Variants in RAI14 observed in about 807,000 individuals in gnomAD.
RAI14 encodes retinoic acid induced 14.
A neutral mutation model predicts 115.4 loss-of-function variants in RAI14; 45 were observed. The observed-to-expected ratio is 0.39, with a 90% CI of 0.31 to 0.50. RAI14 has a LOEUF of 0.50. Ranked by LOEUF, RAI14 falls within the 20% of genes least tolerant of loss-of-function variation. The pLI, the probability that RAI14 is intolerant of heterozygous loss-of-function variation, is 0.85. For synonymous variants in RAI14, 371 were observed against 415.4 expected (o/e 0.89, Z 1.30); for missense variants, 939 against 1,131.2 (o/e 0.83, Z 2.44).
chr5:34,750,525 G>A (rs1746839188), intron 2 of RAI14, among the ~76,000 whole-genome samples: 2 of 152,204 alleles, frequency 1.3e-5, no homozygotes, highest in South Asian at 2.1e-4. Flanking sequence ...GTTCGAAGGC[G>A]TTTGACCTGG....
chr5:34,696,917 G>A (rs1378370624), intron 2 of RAI14, among the ~76,000 whole-genome samples: 3 of 152,082 alleles, frequency 2.0e-5, no homozygotes, highest in African/African-American at 7.2e-5. Context: ...GATCACATGA[G>A]GTCAGGAGTT....
At position 34,757,304 on chromosome 5, in the gene RAI14, G is replaced by T; in HGVS notation, c.37-164G>T. ...TCTTTTGGGAAAGCGGCCTTCTTGG[G>T]TGTCTCCATGGTGAAGGGGAAGGTA... is the stretch of plus-strand genomic sequence containing the variant. On this transcript the variant is annotated intron_variant, in intron 2 of 17. Transcript: ENST00000265109. The T allele has an allele frequency of 3.9e-6, 3 of 778,834 alleles. No homozygotes were observed. The South Asian group carries it at 4.2e-5, about 11-fold the overall frequency. 48.2% of individuals were successfully genotyped at this position (778,834 alleles called of 1,614,324 possible).
Position 34,787,053 on chromosome 5 carries a change from G to A in RAI14, c.168-8886G>A, listed in dbSNP as rs114487013. Among the ~76,000 whole-genome samples, 358 of 152,336 alleles carry A rather than the reference G, an allele frequency of 2.4e-3. 1 individual carries two copies. The highest frequency in any genetic ancestry group is 8.2e-3 in the African/African-American group (340 of 41,574). ...ATGCTATTGTTTGTGGTTCAGGAAC[G>A]TCTTTAAGCGGTTTTCCGCCCTGGG... On this transcript the variant is annotated intron_variant, in intron 3 of 17. Transcript: ENST00000265109.
At chr5:34,763,221 G>A (rs74410402) in intron 3 of RAI14, among the ~76,000 whole-genome samples, 6,485 of 152,192 alleles carry the variant, frequency 0.043, 277 homozygotes, top group African/African-American at 0.11. Flanking sequence ...CAGCAGTTCA[G>A]TCTTGGAAAT....
intron 2 of RAI14, among the ~76,000 whole-genome samples, chr5:34,708,492 G>C (rs185394018): frequency 0.012 from 1,785 of 152,224 alleles, 11 homozygotes; most frequent in Non-Finnish European, 0.019. Flanking sequence ...GTGAGCCACC[G>C]CACCTGGCCA....
At chr5:34,816,353 A>G (rs1190172042) in intron 12 of RAI14, among the ~76,000 whole-genome samples, 1 of 152,180 alleles carries the variant, frequency 6.6e-6, no homozygotes, top group Non-Finnish European at 1.5e-5. Context: ...ATTAATTCCA[A>G]TCAAAGAGAC....
intron 7 of RAI14, among the ~76,000 whole-genome samples, chr5:34,810,174 C>T (rs1039271159): frequency 6.6e-6 from 1 of 152,154 alleles, no homozygotes; most frequent in South Asian, 2.1e-4. Flanking sequence ...ATTGTAACAT[C>T]TTTTCCCTTT....
chr5:34,683,938 A>G lies in RAI14; in HGVS notation c.-48-2934A>G, dbSNP rs542628482. 2.0e-4 allele frequency among the ~76,000 whole-genome samples: 31 copies of G among 152,310 alleles called. 1 individual carries two copies. The South Asian group carries it at 5.6e-3, about 27-fold the overall frequency. ...GAGACGGGGTTTCACCGTGTTAGCC[A>G]GGATGATCTCGATTTCCTGACCTTG... is the stretch of plus-strand genomic sequence containing the variant. On this transcript the variant is annotated intron_variant, in intron 1 of 17. Transcript: ENST00000265109.
rs1325449916 is a variant in RAI14 at position 34,830,867 on chromosome 5, G to A, written c.*102G>A. The A allele has an allele frequency of 4.5e-6, 7 of 1,542,992 alleles. No individual in the cohort carries two copies. The East Asian group carries it at 1.7e-4, about 37-fold the overall frequency. On this transcript the variant is annotated 3_prime_UTR_variant, in exon 18 of 18. Coordinates refer to ENST00000265109, the MANE Select transcript of RAI14 (RefSeq NM_015577.3). Reference sequence around the variant, plus strand: ...ATTGTTCTCATTCGTGGTATGCACTGTGGCCTAGCGTAGCTTCTTCCCTTT... The same window carrying A: ...ATTGTTCTCATTCGTGGTATGCACTATGGCCTAGCGTAGCTTCTTCCCTTT...
In RAI14 at chr5:34,812,194, A is replaced by G. The variant is rs755186988; in HGVS notation, c.751A>G (p.Thr251Ala). 36 of 1,582,548 alleles carry G rather than the reference A, an allele frequency of 2.3e-5. No homozygotes were observed. The highest frequency in any genetic ancestry group is 1.7e-4 in the Middle Eastern group (1 of 5,984). The change falls in exon 10 of 18, where the codon ACA becomes GCA. Residue 251 changes from threonine to alanine, a missense_variant. By Grantham distance (58) the Thr-to-Ala change is moderately conservative. Transcript: ENST00000265109. ...TTCCTCTATAGATTTAAAGACCCCA[A>G]CAAAACCAAAGCAGGTATTTATCTT... ...ISQDADLKTPTKPKQHDQVSK... is the reference protein window; with the variant it reads ...ISQDADLKTPAKPKQHDQVSK...
At chr5:34,812,005 G>T in intron 9 of RAI14, 60 bp downstream of exon 9, 6 of 1,435,940 alleles carry the variant, frequency 4.2e-6, no homozygotes, top group Non-Finnish European at 4.8e-6. Context: ...TTCCCCAAAG[G>T]ATAAAGGAAT....
chr5:34,749,517 A>G (rs34045860), intron 2 of RAI14, among the ~76,000 whole-genome samples: 5,490 of 152,342 alleles, frequency 0.036, 159 homozygotes, highest in Non-Finnish European at 0.054. Context: ...CCGGTTGCCA[A>G]ATCCCCAGCG....
rs780384323 is a variant in RAI14 at position 34,823,883 on chromosome 5, C to A, written c.2041C>A (p.His681Asn). The A allele has an allele frequency of 1.2e-6, 2 of 1,614,120 alleles. No homozygotes were observed. Among genetic ancestry groups the A allele is most frequent in the East Asian group, 4.5e-5 (2 of 44,884 alleles). ...AGCTGAATATATCCATAAAGCAGAG[C>A]ATGAGAAACTGATGCAATTGACAAA... is the stretch of plus-strand genomic sequence containing the variant. ...VTAEYIHKAE[H>N]EKLMQLTNVS... The change falls in exon 15 of 18, where the codon CAT becomes AAT. Residue 681 changes from histidine (H) to asparagine (N), a missense_variant. By Grantham distance (68) the His-to-Asn change is moderately conservative (BLOSUM62 1). Coordinates refer to ENST00000265109, the MANE Select transcript of RAI14 (RefSeq NM_015577.3). This position sits in a 1 kb window ranked among gnomAD's most constrained non-coding sequence, Gnocchi z 4.5.
intron 1 of RAI14, among the ~76,000 whole-genome samples, chr5:34,665,236 T>C (rs1241679662): frequency 1.5e-5 from 2 of 135,044 alleles, no homozygotes; most frequent in Non-Finnish European, 3.1e-5. Context: ...CATTGATTGA[T>C]GGGTATTTGG....
At chr5:34,716,404 T>G (rs1461548382) in intron 2 of RAI14, among the ~76,000 whole-genome samples, 1 of 151,962 alleles carries the variant, frequency 6.6e-6, no homozygotes, top group Non-Finnish European at 1.5e-5. Flanking sequence ...TTACAAGTTT[T>G]GGGTTAATTT....
chr5:34,683,727 C>T lies in RAI14; in HGVS notation c.-48-3145C>T, dbSNP rs551005227. On this transcript the variant is annotated intron_variant, in intron 1 of 17. Transcript: ENST00000265109. ...AAGGAATTAAATTTGAAGGGCGATT[C>T]CCACCTTTTTTTTTTTTTGAGATGG... is the stretch of plus-strand genomic sequence containing the variant. Among the ~76,000 whole-genome samples, 166 of 151,866 alleles carry T rather than the reference C, an allele frequency of 1.1e-3. 2 individuals carry two copies. The highest frequency in any genetic ancestry group is 1.9e-3 in the Non-Finnish European group (127 of 67,918).
intron 2 of RAI14, among the ~76,000 whole-genome samples, chr5:34,689,895 AC>A (rs1278298950): frequency 6.6e-6 from 1 of 152,288 alleles, no homozygotes; most frequent in Non-Finnish European, 1.5e-5. Context: ...AAACAAAAAA[AC>A]AAACAAAAAA....
At chr5:34,739,827 C>T (rs532591984) in intron 2 of RAI14, among the ~76,000 whole-genome samples, 8 of 152,052 alleles carry the variant, frequency 5.3e-5, no homozygotes, top group African/African-American at 1.4e-4. Flanking sequence ...TTTGGGAGGC[C>T]GAGGCGGGCG....
intron 3 of RAI14, among the ~76,000 whole-genome samples, chr5:34,759,044 C>T (rs943584751): frequency 2.6e-5 from 4 of 152,136 alleles, no homozygotes; most frequent in African/African-American, 9.7e-5. Context: ...GGTGGAATCA[C>T]TTGAGGTCAG....
Sources: allele counts gnomAD v4.1 joint callset (sites outside exome capture counted in the v4.1 genomes callset), GRCh38; gene constraint gnomAD v4.1.1; non-coding constraint Gnocchi (gnomAD v3.1); transcripts MANE v1.5; gene names NCBI Gene and HGNC (gene_info 2026-07-23, HGNC 2026-07-21).